DPYSL2: variants seen among roughly 807,000 people sequenced by gnomAD.
DPYSL2 encodes dihydropyrimidinase like 2.
In DPYSL2, 13 loss-of-function variants were observed where a neutral mutation model predicts 69.9. The ratio of observed to expected loss-of-function variants is 0.19; its 90% CI spans 0.12 to 0.30. DPYSL2 has a LOEUF of 0.30. DPYSL2 is among the 10% of genes least tolerant of loss of function. The probability of loss-of-function intolerance (pLI) is 1.00; values close to 1 mark genes in which losing one functional copy is unlikely to be tolerated. For synonymous variants in DPYSL2, 326 were observed against 359.1 expected (o/e 0.91, Z 1.04); for missense variants, 587 against 918.9 (o/e 0.64, Z 4.67).
intron 10 of DPYSL2, among the ~76,000 whole-genome samples, chr8:26,645,531 T>C (rs1413195989): frequency 2.6e-5 from 4 of 152,186 alleles, no homozygotes; most frequent in Non-Finnish European, 5.9e-5. Context: ...AATAACAGAC[T>C]CTTCCATGTG....
chr8:26,646,682 G>A (rs1290838999), intron 10 of DPYSL2, among the ~76,000 whole-genome samples: 1 of 152,100 alleles, frequency 6.6e-6, no homozygotes, highest in African/African-American at 2.4e-5. Flanking sequence ...GAGACTTCTA[G>A]GTTGGCTAGA....
chr8:26,594,023 C>G (rs1180547060), intron 3 of DPYSL2, among the ~76,000 whole-genome samples: 1 of 152,146 alleles, frequency 6.6e-6, no homozygotes, highest in Non-Finnish European at 1.5e-5. Context: ...TTTATTGGAC[C>G]AGGCTTCAGA....
chr8:26,600,490 G>A (rs573959830), intron 3 of DPYSL2, among the ~76,000 whole-genome samples: 5 of 152,252 alleles, frequency 3.3e-5, no homozygotes, highest in East Asian at 3.9e-4. Context: ...ATAGCCATGC[G>A]AGTGGGTGTT....
In DPYSL2 at chr8:26,560,915, T is replaced by G. The variant is rs940358990; in HGVS notation, c.355-21054T>G. On this transcript the variant is annotated intron_variant, in intron 1 of 13. Coordinates refer to ENST00000521913, the MANE Select transcript of DPYSL2 (RefSeq NM_001197293.3). The surrounding 1 kb of genome is among the most constrained non-coding windows in gnomAD (Gnocchi z 4.4). ...TGAGTGTTTGTCAGGCCTCCAAGTC[T>G]AAAGAAGAATTTAAATTGAGCTAGG... Among the ~76,000 whole-genome samples the G allele has an allele frequency of 6.6e-6, 1 of 152,134 alleles. No individual in the cohort carries two copies. Among genetic ancestry groups the G allele is most frequent in the African/African-American group, 2.4e-5 (1 of 41,430 alleles).
At position 26,610,856 on chromosome 8, in the gene DPYSL2, A is replaced by G. The variant is rs1802207849; in HGVS notation, c.629-13287A>G. The stretch of plus-strand genomic sequence containing the variant: ...CTACTGTTGTTAGCTGTTCGTAGAT[A>G]CTATTTCAGAACAATGCTGTGAGTA... On this transcript the variant is annotated intron_variant, in intron 3 of 13. Coordinates refer to ENST00000521913, the MANE Select transcript of DPYSL2 (RefSeq NM_001197293.3). This position sits in a 1 kb window ranked among gnomAD's most constrained non-coding sequence, Gnocchi z 4.5. 6.6e-6 allele frequency among the ~76,000 whole-genome samples: 1 copy of G among 152,170 alleles called. No homozygotes were observed. Among genetic ancestry groups the G allele is most frequent in the Non-Finnish European group, 1.5e-5 (1 of 68,034 alleles).
chr8:26,584,423 CTGA>C (rs1373261338), intron 3 of DPYSL2, among the ~76,000 whole-genome samples: 1 of 152,072 alleles, frequency 6.6e-6, no homozygotes, highest in Admixed American at 6.5e-5. Context: ...AAATGAAATG[CTGA>C]AGCAGGAACT....
intron 7 of DPYSL2, among the ~76,000 whole-genome samples, chr8:26,632,749 A>G (rs554466512): frequency 3.8e-4 from 58 of 152,268 alleles, no homozygotes; most frequent in Admixed American, 1.6e-3. Flanking sequence ...CACACTTCAC[A>G]CCCATGCAAG....
chr8:26,531,999 A>C (rs1319011308), intron 1 of DPYSL2, among the ~76,000 whole-genome samples: 1 of 152,110 alleles, frequency 6.6e-6, no homozygotes, highest in Non-Finnish European at 1.5e-5. Context: ...CAGGGAGGGC[A>C]CTTGTGCCTT....
chr8:26,651,562 T>G (rs1563200301), intron 11 of DPYSL2, among the ~76,000 whole-genome samples: 1 of 152,216 alleles, frequency 6.6e-6, no homozygotes, highest in Non-Finnish European at 1.5e-5. Context: ...GAATGACTCC[T>G]GTGCAATGAC....
At chr8:26,530,363 ATG>A (rs1800486597) in intron 1 of DPYSL2, among the ~76,000 whole-genome samples, 1 of 152,156 alleles carries the variant, frequency 6.6e-6, no homozygotes, top group African/African-American at 2.4e-5. Context: ...ACACCAGCAA[ATG>A]TATATCTTTG....
intron 1 of DPYSL2, among the ~76,000 whole-genome samples, chr8:26,566,476 G>T (rs550401617): frequency 1.8e-4 from 27 of 152,212 alleles, no homozygotes; most frequent in Non-Finnish European, 2.8e-4. Flanking sequence ...TTTGTGGCAT[G>T]CATGTCCTCT....
rs1430801814 is a variant in DPYSL2, at chr8:26,598,573, A to G, written c.628+14590A>G. ...CACCCGATGTGCCCCCACCTTGGTG[A>G]GCACCTTTCCCCCCAGGCACAGTCC... On this transcript the variant is annotated intron_variant, in intron 3 of 13. Coordinates refer to ENST00000521913, the MANE Select transcript of DPYSL2 (RefSeq NM_001197293.3). This position sits in a 1 kb window ranked among gnomAD's most constrained non-coding sequence, Gnocchi z 4.2. Among the ~76,000 whole-genome samples, 2 of 152,224 alleles carry G rather than the reference A, an allele frequency of 1.3e-5. No individual in the cohort carries two copies. Among genetic ancestry groups the G allele is most frequent in the African/African-American group, 4.8e-5 (2 of 41,460 alleles).
At chr8:26,606,717 A>T (rs1423889259) in intron 3 of DPYSL2, among the ~76,000 whole-genome samples, 2 of 152,234 alleles carry the variant, frequency 1.3e-5, no homozygotes, top group African/African-American at 4.8e-5. Context: ...TCAAATATTA[A>T]AAGGGGTTAA....
intron 1 of DPYSL2, among the ~76,000 whole-genome samples, chr8:26,574,037 G>A: frequency 6.6e-6 from 1 of 152,212 alleles, no homozygotes; most frequent in East Asian, 1.9e-4. Flanking sequence ...TGGGAGAAGA[G>A]GGGGCTTTTT....
chr8:26,627,495 A>T lies in DPYSL2; in HGVS notation c.936+200A>T, dbSNP rs1402079514. Among the ~76,000 whole-genome samples the T allele has an allele frequency of 1.3e-5, 2 of 151,856 alleles. No homozygotes were observed. The highest frequency in any genetic ancestry group is 1.3e-4 in the Admixed American group (2 of 15,240). On this transcript the variant is annotated intron_variant, in intron 6 of 13. Transcript: ENST00000521913. This position sits in a 1 kb window ranked among gnomAD's most constrained non-coding sequence, Gnocchi z 6.9. ...TGCCTCTCCGTGTGTGCCACAGAAC[A>T]TCTAAGTCAGTTACTATTGCAGAGA...
At chr8:26,622,038 A>T (rs764757401) in intron 3 of DPYSL2, among the ~76,000 whole-genome samples, 2 of 151,928 alleles carry the variant, frequency 1.3e-5, no homozygotes, top group Non-Finnish European at 2.9e-5. Context: ...GCCCAAACTG[A>T]TTGCTACACA....
intron 1 of DPYSL2, among the ~76,000 whole-genome samples, chr8:26,522,368 G>A (rs1210117411): frequency 6.6e-6 from 1 of 152,184 alleles, no homozygotes; most frequent in Non-Finnish European, 1.5e-5. Flanking sequence ...GTTCTGCCTA[G>A]AAGTAGAATT....
intron 3 of DPYSL2, among the ~76,000 whole-genome samples, chr8:26,584,354 T>A (rs1051102455): frequency 6.6e-6 from 1 of 152,206 alleles, no homozygotes; most frequent in Non-Finnish European, 1.5e-5. Flanking sequence ...AGTATTTGAT[T>A]GAGATTTTCA....
intron 1 of DPYSL2, chr8:26,578,272 G>A (rs1801406094): frequency 2.5e-6 from 4 of 1,614,146 alleles, no homozygotes; most frequent in East Asian, 2.2e-5. Context: ...ATCAGGGGAA[G>A]AAAAATATTC....
Sources: allele counts gnomAD v4.1 joint callset (sites outside exome capture counted in the v4.1 genomes callset), GRCh38; gene constraint gnomAD v4.1.1; non-coding constraint Gnocchi (gnomAD v3.1); transcripts MANE v1.5; gene names NCBI Gene and HGNC (gene_info 2026-07-23, HGNC 2026-07-21).